Variants in ADAMTS3 observed in about 807,000 individuals in gnomAD.
ADAMTS3 encodes the protein A disintegrin and metalloproteinase with thrombospondin motifs 3.
A neutral mutation model predicts 129.0 loss-of-function variants in ADAMTS3; 73 were observed. The ratio of observed to expected loss-of-function variants is 0.57; its 90% CI spans 0.47 to 0.69. The LOEUF is 0.69. ADAMTS3 is among the 30% of genes least tolerant of loss of function. ADAMTS3 has a pLI of 0.00. For synonymous variants in ADAMTS3, 477 were observed against 510.8 expected (o/e 0.93, Z 0.89); for missense variants, 1,457 against 1,514.5 (o/e 0.96, Z 0.63).
intron 2 of ADAMTS3, among the ~76,000 whole-genome samples, chr4:72,549,933 C>T (rs1357842217): frequency 3.9e-5 from 5 of 127,328 alleles, no homozygotes; most frequent in Admixed American, 2.5e-4. Context: ...AGGAAACAAG[C>T]AGCAGGGCAA....
chr4:72,351,063 C>A (rs1720422196), intron 4 of ADAMTS3, among the ~76,000 whole-genome samples: 1 of 151,994 alleles, frequency 6.6e-6, no homozygotes, highest in African/African-American at 2.4e-5. Flanking sequence ...ACCCTCAAGA[C>A]AATAAGCTGG....
At chr4:72,318,845 A>C (rs1719470493) in intron 9 of ADAMTS3, 141 bp from the exon 10 acceptor site, 2 of 854,066 alleles carry the variant, frequency 2.3e-6, no homozygotes, top group Non-Finnish European at 3.5e-6. Context: ...CATGTATTTA[A>C]GGTTTTGGTT....
intron 3 of ADAMTS3, among the ~76,000 whole-genome samples, chr4:72,461,277 T>C (rs964353856): frequency 5.3e-5 from 8 of 151,634 alleles, no homozygotes; most frequent in African/African-American, 1.9e-4. Flanking sequence ...AAAGTCAACA[T>C]AGAGTAGAAA....
chr4:72,417,150 A>G (rs1431825647), intron 3 of ADAMTS3, among the ~76,000 whole-genome samples: 4 of 152,138 alleles, frequency 2.6e-5, no homozygotes, highest in Non-Finnish European at 5.9e-5. Context: ...TCCTAAGTCC[A>G]CTAACATTTC....
intron 3 of ADAMTS3, among the ~76,000 whole-genome samples, chr4:72,519,196 C>T (rs937419175): frequency 2.0e-5 from 3 of 152,132 alleles, no homozygotes; most frequent in African/African-American, 7.2e-5. Context: ...AGAGTTTCTG[C>T]CGAGAGATCC....
intron 3 of ADAMTS3, among the ~76,000 whole-genome samples, chr4:72,433,522 G>A (rs1223616677): frequency 6.6e-6 from 1 of 151,900 alleles, no homozygotes; most frequent in Non-Finnish European, 1.5e-5. Context: ...TTGATCTAAT[G>A]TGTGTCAGGC....
Position 72,313,648 on chromosome 4 carries a change from AATAACAAGAGTTACAAGG to A in ADAMTS3, c.1745+11_1745+28del, listed in dbSNP as rs1376324839. 6.2e-7 allele frequency: 1 copy of A among 1,608,552 alleles called. No individual in the cohort carries two copies. The highest frequency in any genetic ancestry group is 8.5e-7 in the Non-Finnish European group (1 of 1,176,434). On this transcript the variant is annotated intron_variant, in intron 12 of 21. Coordinates refer to ENST00000286657, the MANE Select transcript of ADAMTS3 (RefSeq NM_014243.3). ...TGAAGTATTTTCTGGTCTCTCCAAAAATAACAAGAGTTACAAGGATATACTCACATGGGATTATTGCAC... is the reference window on the plus strand; with the variant it reads ...TGAAGTATTTTCTGGTCTCTCCAAAAATATACTCACATGGGATTATTGCAC...
chr4:72,477,607 C>A (rs941234736), intron 3 of ADAMTS3, among the ~76,000 whole-genome samples: 1 of 152,052 alleles, frequency 6.6e-6, no homozygotes, highest in South Asian at 2.1e-4. Flanking sequence ...CCAAAATTGA[C>A]ACCCTAACAT....
intron 4 of ADAMTS3, among the ~76,000 whole-genome samples, chr4:72,391,186 T>C (rs1336725250): frequency 1.3e-5 from 2 of 152,204 alleles, no homozygotes; most frequent in African/African-American, 4.8e-5. Context: ...AAAGGGTAGT[T>C]AGAGGGAAGA....
Position 72,298,462 on chromosome 4 carries a change from A to G in ADAMTS3, c.2425-20T>C. 4.5e-6 allele frequency: 7 copies of G among 1,547,402 alleles called. No individual in the cohort carries two copies. The highest frequency in any genetic ancestry group is 6.2e-6 in the Non-Finnish European group (7 of 1,137,474). ...TATAATCTAACATACACATGAAATC[A>G]ATATGTAAATCACCTGAGGGTTTTA... On this transcript the variant is annotated intron_variant, in intron 17 of 21. Coordinates refer to ENST00000286657, the MANE Select transcript of ADAMTS3 (RefSeq NM_014243.3).
chr4:72,442,807 A>G (rs1718153386), intron 3 of ADAMTS3, among the ~76,000 whole-genome samples: 1 of 151,824 alleles, frequency 6.6e-6, no homozygotes, highest in Non-Finnish European at 1.5e-5. Context: ...AGACAGAGGC[A>G]GCTTTCTGTT....
At chr4:72,538,353 GAAAGAC>G (rs1256754982) in intron 3 of ADAMTS3, among the ~76,000 whole-genome samples, 3 of 152,260 alleles carry the variant, frequency 2.0e-5, no homozygotes, top group African/African-American at 4.8e-5. Flanking sequence ...TTAAATTGCT[GAAAGAC>G]AAAGACAAAG....
intron 3 of ADAMTS3, among the ~76,000 whole-genome samples, chr4:72,471,067 G>A (rs1719060621): frequency 6.6e-6 from 1 of 152,022 alleles, no homozygotes; most frequent in African/African-American, 2.4e-5. Flanking sequence ...TTAAAATAAT[G>A]ACTAAGAGAT....
intron 5 of ADAMTS3, among the ~76,000 whole-genome samples, chr4:72,335,597 C>A (rs921014035): frequency 6.6e-6 from 1 of 151,958 alleles, no homozygotes; most frequent in Non-Finnish European, 1.5e-5. Flanking sequence ...TAATGATTAG[C>A]TTTACCACCT....
chr4:72,541,259 G>A (rs1721315962), intron 3 of ADAMTS3, among the ~76,000 whole-genome samples: 1 of 152,184 alleles, frequency 6.6e-6, no homozygotes, highest in African/African-American at 2.4e-5. Context: ...TTTCGAACTT[G>A]CATGGGCCCT....
chr4:72,321,416 CA>C (rs1390708464), intron 6 of ADAMTS3, among the ~76,000 whole-genome samples: 1 of 151,890 alleles, frequency 6.6e-6, no homozygotes, highest in African/African-American at 2.4e-5. Flanking sequence ...CTCCTGACCT[CA>C]AATGATCTTC....
chr4:72,443,062 C>T (rs1560517247), intron 3 of ADAMTS3, among the ~76,000 whole-genome samples: 1 of 151,610 alleles, frequency 6.6e-6, no homozygotes, highest in Admixed American at 6.6e-5. Flanking sequence ...ATGATACTAC[C>T]TTGCTCAGTT....
At chr4:72,378,315 C>A (rs927882123) in intron 4 of ADAMTS3, among the ~76,000 whole-genome samples, 2 of 152,126 alleles carry the variant, frequency 1.3e-5, no homozygotes, top group African/African-American at 4.8e-5. Context: ...TGGTTACTTT[C>A]TTCCTTGTAT....
intron 3 of ADAMTS3, among the ~76,000 whole-genome samples, chr4:72,417,865 G>A (rs1276846075): frequency 1.4e-5 from 2 of 141,752 alleles, no homozygotes; most frequent in Non-Finnish European, 3.0e-5. Flanking sequence ...CCCGGGAGGC[G>A]GAGCTTGCAG....
Sources: gnomAD v4.1 joint callset for allele counts (sites outside exome capture counted in the v4.1 genomes callset) on GRCh38, gnomAD v4.1.1 for gene constraint, MANE v1.5 for transcripts, NCBI Gene and HGNC (gene_info 2026-07-23, HGNC 2026-07-21) for gene names.